TTC7B: variants seen among roughly 807,000 people sequenced by gnomAD.
The protein encoded by TTC7B is tetratricopeptide repeat protein 7B.
In TTC7B, 28 loss-of-function variants were observed where a neutral mutation model predicts 106.8. The observed-to-expected ratio is 0.26, with a 90% CI of 0.19 to 0.36. TTC7B has a LOEUF of 0.36. Ranked by LOEUF, TTC7B falls within the 10% of genes least tolerant of loss-of-function variation. The pLI is 1.00. For synonymous variants in TTC7B, 405 were observed against 430.6 expected (o/e 0.94, Z 0.74); for missense variants, 862 against 1,076.4 (o/e 0.80, Z 2.79).
chr14:90,652,767 A>C, intron 13 of TTC7B, 74 bp downstream of exon 13: 1 of 1,530,354 alleles, frequency 6.5e-7, no homozygotes, highest in Non-Finnish European at 9.0e-7. Flanking sequence ...CTTTATAAAT[A>C]TCTCTTCTTT....
intron 1 of TTC7B, among the ~76,000 whole-genome samples, chr14:90,793,202 C>A (rs1306382905): frequency 6.6e-6 from 1 of 152,098 alleles, no homozygotes; most frequent in Non-Finnish European, 1.5e-5. Flanking sequence ...TGAGACCTCC[C>A]CAGCCATGTG....
intron 1 of TTC7B, among the ~76,000 whole-genome samples, chr14:90,811,803 C>T (rs559872943): frequency 5.3e-5 from 8 of 152,354 alleles, no homozygotes; most frequent in East Asian, 3.9e-4. Flanking sequence ...TCTAAGTGAA[C>T]TCAGTCGCCG....
intron 1 of TTC7B, among the ~76,000 whole-genome samples, chr14:90,788,570 T>TA (rs34056961): frequency 2.1e-4 from 31 of 149,932 alleles, no homozygotes; most frequent in Admixed American, 6.6e-4. Flanking sequence ...CATGTGCTCT[T>TA]AAAAAAAAAA....
rs997097492 is a variant in TTC7B, at chr14:90,807,550, G to C, written c.121+8625C>G. 7.2e-5 allele frequency among the ~76,000 whole-genome samples: 11 copies of C among 152,164 alleles called. No homozygotes were observed. Among genetic ancestry groups the C allele is most frequent in the Non-Finnish European group, 1.2e-4 (8 of 68,038 alleles). ...AGAGGTTGAGCGACAATCCTGAACT[G>C]TAAGTTTCCCTGCCTGGTGACCTGC... On this transcript the variant is annotated intron_variant, in intron 1 of 19. Transcript: ENST00000328459. This position sits in a 1 kb window ranked among gnomAD's most constrained non-coding sequence, Gnocchi z 4.1.
chr14:90,571,839 T>C (rs1254236436), intron 19 of TTC7B, among the ~76,000 whole-genome samples: 1 of 152,236 alleles, frequency 6.6e-6, no homozygotes, highest in Non-Finnish European at 1.5e-5. Flanking sequence ...TGCCAATGCG[T>C]GAGCCTGTCC....
At chr14:90,693,295 T>A (rs894355339) in intron 6 of TTC7B, among the ~76,000 whole-genome samples, 2 of 151,894 alleles carry the variant, frequency 1.3e-5, no homozygotes, top group African/African-American at 2.4e-5. Flanking sequence ...CTAATGAACG[T>A]CCCTAGATAG....
chr14:90,709,460 C>G (rs961373738), intron 5 of TTC7B, among the ~76,000 whole-genome samples: 7 of 146,190 alleles, frequency 4.8e-5, no homozygotes, highest in African/African-American at 1.8e-4. Flanking sequence ...ACCACACGTT[C>G]TCACTCATAG....
At chr14:90,766,524 T>C (rs538603038) in intron 3 of TTC7B, 61 of 745,828 alleles carry the variant, frequency 8.2e-5, no homozygotes, top group African/African-American at 7.3e-4. Context: ...CCTCTTGTAC[T>C]GCCGCCATGT....
chr14:90,709,639 A>G (rs1888360230), intron 5 of TTC7B, among the ~76,000 whole-genome samples: 2 of 151,986 alleles, frequency 1.3e-5, no homozygotes, highest in Admixed American at 1.3e-4. Flanking sequence ...ATACATATGT[A>G]ACAAACCTGC....
At position 90,699,166 on chromosome 14, in the gene TTC7B, G is replaced by A. The variant is rs781638847; in HGVS notation, c.699-3588C>T. ...GTACAAGCTTACCGCACCTGGTTTC[G>A]TCCTGTTCTATGACTCTGAACCACA... On this transcript the variant is annotated intron_variant, in intron 5 of 19. Transcript: ENST00000328459. 10 of 455,766 alleles carry A rather than the reference G, an allele frequency of 2.2e-5. No individual in the cohort carries two copies. The Middle Eastern group carries it at 9.7e-4, about 44-fold the overall frequency. The allele number at this position is 455,766 out of a possible 1,614,324, so 28.2% of individuals were successfully genotyped here. A position where few individuals can be genotyped will look rare whatever the true frequency, so the allele number is the denominator to read the frequency against.
intron 19 of TTC7B, among the ~76,000 whole-genome samples, chr14:90,563,685 T>G (rs986097351): frequency 1.3e-5 from 2 of 152,216 alleles, no homozygotes; most frequent in African/African-American, 4.8e-5. Context: ...GCATTTTACC[T>G]ACAGCAGAAC....
intron 5 of TTC7B, chr14:90,699,173 T>G (rs750992446): frequency 1.8e-5 from 8 of 455,946 alleles, no homozygotes; most frequent in African/African-American, 4.0e-5. Context: ...TTCGTCCTGT[T>G]CTATGACTCT....
intron 5 of TTC7B, among the ~76,000 whole-genome samples, chr14:90,711,603 G>A (rs1408796272): frequency 6.6e-6 from 1 of 152,144 alleles, no homozygotes; most frequent in Non-Finnish European, 1.5e-5. Flanking sequence ...TGTATTCTTA[G>A]TGAAGACGGG....
chr14:90,685,817 C>T (rs1887231837), intron 7 of TTC7B, among the ~76,000 whole-genome samples: 1 of 151,872 alleles, frequency 6.6e-6, no homozygotes, highest in African/African-American at 2.4e-5. Flanking sequence ...TACAAATAGA[C>T]CTAAAATAAG....
chr14:90,729,983 C>A, intron 5 of TTC7B, 92 bp downstream of exon 5: 3 of 1,320,162 alleles, frequency 2.3e-6, no homozygotes, highest in Non-Finnish European at 2.0e-6. Flanking sequence ...TTTAAAATTC[C>A]TTTATTATAA....
intron 4 of TTC7B, among the ~76,000 whole-genome samples, chr14:90,735,496 G>T (rs1035477948): frequency 4.1e-5 from 6 of 148,134 alleles, no homozygotes; most frequent in Non-Finnish European, 7.4e-5. Context: ...GACAGAGTGA[G>T]ACCTTGTCTC....
rs2030716536 is a variant in TTC7B, at chr14:90,808,291, G to T, written c.121+7884C>A. Among the ~76,000 whole-genome samples, 1 of 152,114 alleles carries T rather than the reference G, an allele frequency of 6.6e-6. No individual in the cohort carries two copies. The highest frequency in any genetic ancestry group is 1.5e-5 in the Non-Finnish European group (1 of 68,016). The stretch of plus-strand genomic sequence containing the variant: ...GGAAACCCGTCTCTACAGAAAAAAT[G>T]AAGAGAGAGAGAGAGAAAGACAGAG... On this transcript the variant is annotated intron_variant, in intron 1 of 19. Coordinates refer to ENST00000328459, the MANE Select transcript of TTC7B (RefSeq NM_001010854.2). The surrounding 1 kb of genome is among the most constrained non-coding windows in gnomAD (Gnocchi z 4.2).
At chr14:90,787,912 C>T (rs1363571975) in intron 1 of TTC7B, among the ~76,000 whole-genome samples, 1 of 152,134 alleles carries the variant, frequency 6.6e-6, no homozygotes, top group Non-Finnish European at 1.5e-5. Flanking sequence ...CCTGTAATCC[C>T]AACACTTTGG....
At chr14:90,583,578 A>G (rs978983492) in intron 18 of TTC7B, among the ~76,000 whole-genome samples, 1 of 152,220 alleles carries the variant, frequency 6.6e-6, no homozygotes, top group African/African-American at 2.4e-5. Flanking sequence ...CAACGCCATC[A>G]GCTGCCAACA....
Sources: allele counts gnomAD v4.1 joint callset (sites outside exome capture counted in the v4.1 genomes callset), GRCh38; gene constraint gnomAD v4.1.1; non-coding constraint Gnocchi (gnomAD v3.1); transcripts MANE v1.5; gene names NCBI Gene and HGNC (gene_info 2026-07-23, HGNC 2026-07-21).